MCCC2: variants seen among roughly 807,000 people sequenced by gnomAD.
MCCC2 encodes methylcrotonyl-CoA carboxylase subunit 2.
Under a neutral mutation model 77.2 loss-of-function variants are expected in MCCC2, and 52 were observed. That is an observed-to-expected ratio of 0.67 (90% CI 0.54 to 0.85). The LOEUF (loss-of-function observed/expected upper bound fraction) is 0.85. Among genes scored for constraint, MCCC2 ranks in the 40% least tolerant of loss-of-function variants. The probability of loss-of-function intolerance (pLI) is 0.00; values close to 1 mark genes in which losing one functional copy is unlikely to be tolerated. For synonymous variants in MCCC2, 253 were observed against 248.4 expected (o/e 1.02, Z -0.18); for missense variants, 682 against 703.2 (o/e 0.97, Z 0.34).
chr5:71,632,158 A>G lies in MCCC2; in HGVS notation c.776A>G (p.Asp259Gly). 1.9e-6 allele frequency: 3 copies of G among 1,614,092 alleles called. No individual in the cohort carries two copies. The highest frequency in any genetic ancestry group is 2.5e-6 in the Non-Finnish European group (3 of 1,180,004). Residue 259 changes from aspartate to glycine, a missense_variant, in exon 8 of 17, where the codon GAT (aspartate) becomes GGT (glycine). Physicochemically the swap from Asp to Gly is moderately conservative, Grantham distance 94. Transcript: ENST00000340941. ...ACTGGGGAAGAAGTATCTGCTGAGG[A>G]TCTTGGAGGTGCTGATCTTCATTGC... Reference protein sequence around the residue: ...AATGEEVSAEDLGGADLHCRK... With the variant: ...AATGEEVSAEGLGGADLHCRK...
intron 8 of MCCC2, among the ~76,000 whole-genome samples, chr5:71,634,433 AG>A (rs1234749490): frequency 6.6e-6 from 1 of 152,118 alleles, no homozygotes; most frequent in Non-Finnish European, 1.5e-5. Flanking sequence ...CTTTGTAGGG[AG>A]GGGGCTCAGA....
At chr5:71,656,335 G>C (rs1344754578) in intron 16 of MCCC2, among the ~76,000 whole-genome samples, 4 of 152,194 alleles carry the variant, frequency 2.6e-5, no homozygotes, top group Admixed American at 2.6e-4. Flanking sequence ...AGTAAAGTTT[G>C]AGGTTATTAC....
At chr5:71,640,569 C>T (rs1295258126) in intron 10 of MCCC2, among the ~76,000 whole-genome samples, 1 of 152,026 alleles carries the variant, frequency 6.6e-6, no homozygotes, top group Non-Finnish European at 1.5e-5. Flanking sequence ...GAAGTGAGAA[C>T]TGAGACTCAG....
At chr5:71,591,389 G>A (rs1388550823) in intron 1 of MCCC2, among the ~76,000 whole-genome samples, 2 of 148,470 alleles carry the variant, frequency 1.3e-5, no homozygotes, top group Admixed American at 1.3e-4. Flanking sequence ...ATTTCCTTGT[G>A]TATTACTTAA....
rs373922744 is a variant in MCCC2, at chr5:71,656,856, T to C, written c.1688T>C (p.Met563Thr). 7 of 1,610,194 alleles carry C rather than the reference T, an allele frequency of 4.3e-6. No individual in the cohort carries two copies. Among genetic ancestry groups the C allele is most frequent in the African/African-American group, 1.3e-5 (1 of 74,876 alleles). ...IEKTDFGIFR[M>T] Reference sequence around the variant, plus strand: ...AAGACTGACTTCGGTATCTTCAGGATGTAACTGGAATAAAGGATGTTTTCT... The same window carrying C: ...AAGACTGACTTCGGTATCTTCAGGACGTAACTGGAATAAAGGATGTTTTCT... Residue 563 changes from methionine (M) to threonine (T), a missense_variant, in exon 17 of 17, where the codon ATG becomes ACG. By Grantham distance (81) the Met-to-Thr change is moderately conservative. Transcript: ENST00000340941.
intron 2 of MCCC2, 95 bp downstream of exon 2, chr5:71,593,087 A>G (rs532137386): frequency 2.9e-6 from 3 of 1,037,332 alleles, no homozygotes; most frequent in South Asian, 1.4e-5. Flanking sequence ...TAAGCTTTTG[A>G]TATTTTTTTT....
chr5:71,619,866 C>G (rs1056916872), intron 6 of MCCC2, among the ~76,000 whole-genome samples: 1 of 151,932 alleles, frequency 6.6e-6, no homozygotes, highest in Non-Finnish European at 1.5e-5. Flanking sequence ...TGGTGGGTGC[C>G]TGTAGTCCCA....
In MCCC2 at chr5:71,604,359, A is replaced by T; in HGVS notation, c.515A>T (p.Asp172Val). Residue 172 changes from aspartate (D) to valine (V), a missense_variant, in exon 6 of 17, where the codon GAT becomes GTT. Asp to Val is a radical substitution (Grantham distance 152, BLOSUM62 -3). Coordinates refer to ENST00000340941, the MANE Select transcript of MCCC2 (RefSeq NM_022132.5). ...QNRLPCIYLVDSGGAYLPRQA... is the reference protein window; with the variant it reads ...QNRLPCIYLVVSGGAYLPRQA... ...GTTTCTCATTTCTTGTCTTCAGTTGATTCGGGAGGAGCATACTTACCTCGA... is the reference window on the plus strand; with the variant it reads ...GTTTCTCATTTCTTGTCTTCAGTTGTTTCGGGAGGAGCATACTTACCTCGA... 2 of 1,613,876 alleles carry T rather than the reference A, an allele frequency of 1.2e-6. No homozygotes were observed. The highest frequency in any genetic ancestry group is 1.7e-6 in the Non-Finnish European group (2 of 1,179,780).
intron 6 of MCCC2, among the ~76,000 whole-genome samples, chr5:71,613,131 C>T (rs1014236991): frequency 6.6e-6 from 1 of 152,228 alleles, no homozygotes; most frequent in Admixed American, 6.5e-5. Flanking sequence ...TTAGGGACCA[C>T]CCAGGTAATC....
chr5:71,638,420 A>T (rs1305499337), intron 10 of MCCC2, among the ~76,000 whole-genome samples: 1 of 152,118 alleles, frequency 6.6e-6, no homozygotes. Context: ...GAATATTCTC[A>T]ATGGCATCTA....
chr5:71,610,102 G>T (rs750199077), intron 6 of MCCC2, among the ~76,000 whole-genome samples: 1 of 152,250 alleles, frequency 6.6e-6, no homozygotes, highest in African/African-American at 2.4e-5. Context: ...CACCCAGTTC[G>T]AGCTTCCTGG....
At chr5:71,590,268 A>G (rs1392539449) in intron 1 of MCCC2, among the ~76,000 whole-genome samples, 1 of 152,152 alleles carries the variant, frequency 6.6e-6, no homozygotes, top group Non-Finnish European at 1.5e-5. Context: ...TAAGGAGGCT[A>G]GGTTGGTTGA....
chr5:71,608,843 GA>G (rs1745797703), intron 6 of MCCC2, among the ~76,000 whole-genome samples: 1 of 152,144 alleles, frequency 6.6e-6, no homozygotes, highest in African/African-American at 2.4e-5. Flanking sequence ...AGTTTGGCTG[GA>G]TATGAAATTC....
chr5:71,602,697 G>C (rs900271097), intron 5 of MCCC2, 64 bp downstream of exon 5: 72 of 1,608,622 alleles, frequency 4.5e-5, no homozygotes, highest in Non-Finnish European at 5.4e-5. Context: ...AGTTTGGAAG[G>C]CTGTATGTAT....
chr5:71,626,666 C>T lies in MCCC2; in HGVS notation c.651C>T (p.Thr217=), dbSNP rs1380948898. 10 of 1,613,748 alleles carry T rather than the reference C, an allele frequency of 6.2e-6. No homozygotes were observed. The highest frequency in any genetic ancestry group is 8.5e-6 in the Non-Finnish European group (10 of 1,179,916). Reference sequence around the variant, plus strand: ...TCGCAGTGGTCATGGGCTCCTGCACCGCAGGAGGAGCCTATGTGCCTGCCA... The same window carrying T: ...TCGCAGTGGTCATGGGCTCCTGCACTGCAGGAGGAGCCTATGTGCCTGCCA... ...AQIAVVMGSC[T]AGGAYVPAMA... Residue 217 remains threonine (T), a synonymous_variant, in exon 7 of 17, where the codon ACC becomes ACT. Coordinates refer to ENST00000340941, the MANE Select transcript of MCCC2 (RefSeq NM_022132.5).
At chr5:71,595,867 A>G (rs1016668752) in intron 2 of MCCC2, among the ~76,000 whole-genome samples, 1 of 152,230 alleles carries the variant, frequency 6.6e-6, no homozygotes, top group Admixed American at 6.5e-5. Context: ...TGCACTTATC[A>G]TGGAAGTAAT....
chr5:71,610,253 C>T (rs970704063), intron 6 of MCCC2, among the ~76,000 whole-genome samples: 5 of 152,210 alleles, frequency 3.3e-5, no homozygotes, highest in Non-Finnish European at 5.9e-5. Context: ...GAGCCAGGTG[C>T]GGGATATAAT....
At chr5:71,630,797 A>G (rs1380045674) in intron 7 of MCCC2, among the ~76,000 whole-genome samples, 4 of 152,140 alleles carry the variant, frequency 2.6e-5, no homozygotes, top group Non-Finnish European at 5.9e-5. Context: ...GCTCCCCTCA[A>G]GAAAGACTTT....
intron 1 of MCCC2, 118 bp downstream of exon 1, chr5:71,587,672 C>T (rs1744818510): frequency 7.4e-7 from 1 of 1,349,816 alleles, no homozygotes; most frequent in East Asian, 2.6e-5. Flanking sequence ...TTCTGTGACG[C>T]ACGTGAAGTT....
Sources: allele counts gnomAD v4.1 joint callset (sites outside exome capture counted in the v4.1 genomes callset), GRCh38; gene constraint gnomAD v4.1.1; transcripts MANE v1.5; gene names NCBI Gene and HGNC (gene_info 2026-07-23, HGNC 2026-07-21).